Variants in DST observed in about 807,000 individuals in gnomAD.
DST encodes dystonin, also known as bullous pemphigoid antigen.
In DST, 253 loss-of-function variants were observed where a neutral mutation model predicts 875.2. The observed-to-expected ratio is 0.29, with a 90% CI of 0.26 to 0.32. The LOEUF is 0.32. Ranked by LOEUF, DST falls within the 10% of genes least tolerant of loss-of-function variation. The pLI is 1.00. For missense variants in DST, 8,287 were observed against 9,111.6 expected, an observed-to-expected ratio of 0.91 and a Z score of 3.68; for synonymous variants, 3,124 against 3,197.1, an observed-to-expected ratio of 0.98 and a Z score of 0.77.
At chr6:56,666,444 C>T (rs2099072723) in intron 10 of DST, among the ~76,000 whole-genome samples, 1 of 151,964 alleles carries the variant, frequency 6.6e-6, no homozygotes, top group Admixed American at 6.6e-5. Context: ...ATATATTTTC[C>T]TTCTAATCTC....
intron 92 of DST, among the ~76,000 whole-genome samples, chr6:56,475,031 G>A (rs1437258561): frequency 1.4e-5 from 2 of 145,072 alleles, no homozygotes; most frequent in African/African-American, 5.0e-5. Flanking sequence ...CACATTTAAT[G>A]TGGACATATC....
At chr6:56,820,778 C>G (rs1315450087) in intron 4 of DST, among the ~76,000 whole-genome samples, 1 of 151,874 alleles carries the variant, frequency 6.6e-6, no homozygotes, top group Non-Finnish European at 1.5e-5. Context: ...TCTCTAATTT[C>G]TTTTACTTTT....
intron 2 of DST, among the ~76,000 whole-genome samples, chr6:56,923,692 G>A (rs904537155): frequency 2.0e-5 from 3 of 152,162 alleles, no homozygotes; most frequent in Non-Finnish European, 2.9e-5. Flanking sequence ...GCACTCAAGT[G>A]TAAAATTCTC....
In DST at chr6:56,532,505, G is replaced by C. The variant is rs1161612195; in HGVS notation, c.16947C>G (p.Leu5649=). Residue 5649 remains leucine, a synonymous_variant, in exon 64 of 104, where the codon CTC becomes CTG. Coordinates refer to ENST00000680361, the MANE Select transcript of DST (RefSeq NM_001374736.1). ...VKAQIQEQKL[L]QRLLDDRKST... is the part of the protein sequence containing the mutation. ...ATTTTCGGTCATCCAACAATCTCTG[G>C]AGAAGCTTGAGACAAAACATTAAAT... The C allele has an allele frequency of 1.9e-6, 3 of 1,587,642 alleles. No homozygotes were observed. In the East Asian group the frequency reaches 6.8e-5, roughly 36 times the overall value.
intron 86 of DST, 118 bp from the exon 87 acceptor site, chr6:56,487,391 T>C (rs1582884701): frequency 3.3e-6 from 3 of 923,064 alleles, no homozygotes; most frequent in East Asian, 2.9e-5. Flanking sequence ...TTCTGACTTA[T>C]AATGACTTGA....
chr6:56,926,643 A>G (rs1309938699), intron 2 of DST, among the ~76,000 whole-genome samples: 1 of 152,194 alleles, frequency 6.6e-6, no homozygotes, highest in Non-Finnish European at 1.5e-5. Flanking sequence ...TGAGTTCACA[A>G]TAACAGGTGT....
At chr6:56,570,073 T>C in intron 53 of DST, 61 bp from the exon 54 acceptor site, 2 of 1,214,158 alleles carry the variant, frequency 1.6e-6, no homozygotes, top group Middle Eastern at 2.7e-4. Context: ...TAAATTATTA[T>C]TCTCATGTCA....
Position 56,592,345 on chromosome 6 carries a change from C to G in DST, c.12740G>C (p.Gly4247Ala). 6.3e-7 allele frequency: 1 copy of G among 1,594,188 alleles called. No individual in the cohort carries two copies. Among genetic ancestry groups the G allele is most frequent in the Non-Finnish European group, 8.6e-7 (1 of 1,168,840 alleles). Residue 4247 changes from glycine to alanine, a missense_variant, in exon 49 of 104, where the codon GGA (glycine) becomes GCA (alanine). Transcript: ENST00000680361. Reference sequence around the variant, plus strand: ...ATCCACCAGATCTTTAAGATTATTTCCAAGAACATTGCACTAACAATCAAA... The same window carrying G: ...ATCCACCAGATCTTTAAGATTATTTGCAAGAACATTGCACTAACAATCAAA... ...RSLYSKCNVL[G>A]NNLKDLVDKY...
At chr6:56,643,115 T>C (rs1178140205) in intron 15 of DST, 3 of 318,664 alleles carry the variant, frequency 9.4e-6, no homozygotes, top group Admixed American at 9.2e-5. Context: ...CTAAGAGTCA[T>C]CCAATTGCAA....
At position 56,611,555 on chromosome 6, in the gene DST, C is replaced by T. The variant is rs377380086; in HGVS notation, c.5100G>A (p.Ser1700=). The change falls in exon 38 of 104, where the codon TCG becomes TCA. Residue 1700 remains serine, a synonymous_variant. Coordinates refer to ENST00000680361, the MANE Select transcript of DST (RefSeq NM_001374736.1). ...AAAGCTGTATAGTTTGAAGTGCTTCCGATAATTGTTCCTTCTTGGTTGATA... is the reference window on the plus strand; with the variant it reads ...AAAGCTGTATAGTTTGAAGTGCTTCTGATAATTGTTCCTTCTTGGTTGATA... ...EEISTKKEQL[S]EALQTIQLFL... is the part of the protein sequence containing the mutation. 72 of 1,612,960 alleles carry T rather than the reference C, an allele frequency of 4.5e-5. No individual in the cohort carries two copies. Among genetic ancestry groups the T allele is most frequent in the African/African-American group, 4.0e-5 (3 of 74,984 alleles).
chr6:56,918,581 C>T (rs1802501608), intron 2 of DST, among the ~76,000 whole-genome samples: 1 of 152,134 alleles, frequency 6.6e-6, no homozygotes, highest in South Asian at 2.1e-4. Flanking sequence ...AGTGGTATTT[C>T]CAGTCCGTAG....
In DST at chr6:56,618,238, C is replaced by A. The variant is rs781560598; in HGVS notation, c.4930-3754G>T. 18 of 1,614,046 alleles carry A rather than the reference C, an allele frequency of 1.1e-5. No individual in the cohort carries two copies. Among genetic ancestry groups the A allele is most frequent in the Non-Finnish European group, 1.4e-5 (16 of 1,180,030 alleles). ...GCTGGAATTGGACTTCTTTGGGTAT[C>A]TGTTCAACAACCCGATGCTGCCACT... On this transcript the variant is annotated intron_variant, in intron 36 of 103. Coordinates refer to ENST00000680361, the MANE Select transcript of DST (RefSeq NM_001374736.1).
chr6:56,710,371 C>G (rs1288051168), intron 5 of DST, among the ~76,000 whole-genome samples: 1 of 152,138 alleles, frequency 6.6e-6, no homozygotes, highest in African/African-American at 2.4e-5. Flanking sequence ...AATCAGCTAT[C>G]TTTAGAAAGA....
intron 4 of DST, among the ~76,000 whole-genome samples, chr6:56,813,397 A>T (rs151082016): frequency 0.14 from 20,788 of 151,784 alleles, 1,774 homozygotes; most frequent in Non-Finnish European, 0.19. Flanking sequence ...TAATAAAAAA[A>T]AAAATAAAAT....
At chr6:56,634,312 C>T (rs764566329) in intron 26 of DST, 54 bp from the exon 27 acceptor site, 5 of 1,612,100 alleles carry the variant, frequency 3.1e-6, no homozygotes, top group East Asian at 2.2e-5. Flanking sequence ...TCTGAAAACA[C>T]ACTGCAATTT....
intron 3 of DST, among the ~76,000 whole-genome samples, chr6:56,892,918 T>G (rs1423546153): frequency 6.6e-6 from 1 of 152,204 alleles, no homozygotes; most frequent in Non-Finnish European, 1.5e-5. Context: ...AAACTACTAT[T>G]TATTGTTTAT....
At chr6:56,615,524 G>T in intron 36 of DST, 1 of 1,614,016 alleles carries the variant, frequency 6.2e-7, no homozygotes, top group South Asian at 1.1e-5. Context: ...CCATTAGGAA[G>T]AATAGTAGAG....
At chr6:56,689,654 C>T (rs756622404) in intron 9 of DST, among the ~76,000 whole-genome samples, 1 of 152,294 alleles carries the variant, frequency 6.6e-6, no homozygotes, top group African/African-American at 2.4e-5. Flanking sequence ...CCCTATCCAA[C>T]GTCCTGACCC....
intron 36 of DST, chr6:56,620,479 C>G: frequency 6.2e-7 from 1 of 1,614,140 alleles, no homozygotes; most frequent in South Asian, 1.1e-5. Flanking sequence ...CCCTTATCTT[C>G]TGCAGAGAGA....
Sources: allele counts gnomAD v4.1 joint callset (sites outside exome capture counted in the v4.1 genomes callset), GRCh38; gene constraint gnomAD v4.1.1; transcripts MANE v1.5; gene names NCBI Gene and HGNC (gene_info 2026-07-23, HGNC 2026-07-21).